The following GTF2IRD1 variants were observed in gnomAD, a reference collection of about 807,000 sequenced individuals.
The protein encoded by GTF2IRD1 is GTF2I repeat domain containing 1.
A neutral mutation model predicts 113.2 loss-of-function variants in GTF2IRD1; 26 were observed. The observed-to-expected ratio is 0.23, with a 90% CI of 0.17 to 0.32. The LOEUF (loss-of-function observed/expected upper bound fraction) is 0.32. Ranked by LOEUF, GTF2IRD1 falls within the 10% of genes least tolerant of loss-of-function variation. The pLI is 1.00. For synonymous variants in GTF2IRD1, 484 were observed against 529.1 expected (o/e 0.91, Z 1.17); for missense variants, 864 against 1,280.8 (o/e 0.67, Z 4.97).
At position 74,602,358 on chromosome 7, in the gene GTF2IRD1, T is replaced by G; in HGVS notation, c.2767-7T>G. ...TCCTAATCCAGTCCCTTTGTCCCTC[T>G]CTCTAGCAATGGCCAATGTACATGG... On this transcript the variant is annotated splice_region_variant and splice_polypyrimidine_tract_variant and intron_variant, in intron 26 of 26. Transcript: ENST00000424337. 6.2e-7 allele frequency: 1 copy of G among 1,612,154 alleles called. No individual in the cohort carries two copies. Among genetic ancestry groups the G allele is most frequent in the Non-Finnish European group, 8.5e-7 (1 of 1,178,616 alleles).
intron 22 of GTF2IRD1, among the ~76,000 whole-genome samples, chr7:74,567,784 C>T (rs1394453468): frequency 2.0e-5 from 3 of 151,618 alleles, no homozygotes; most frequent in Non-Finnish European, 4.4e-5. Context: ...AGAGGGCTTT[C>T]TTTTTTTTGG....
chr7:74,556,836 C>T (rs186886329), intron 19 of GTF2IRD1, among the ~76,000 whole-genome samples: 36 of 149,890 alleles, frequency 2.4e-4, no homozygotes, highest in African/African-American at 8.1e-4. Flanking sequence ...ATTGGCCAGG[C>T]TGGTTTCCAA....
chr7:74,459,867 G>T (rs1793248217), intron 1 of GTF2IRD1, among the ~76,000 whole-genome samples: 1 of 152,120 alleles, frequency 6.6e-6, no homozygotes. Flanking sequence ...AGGGGCCAGA[G>T]GTGTGTGTGG....
chr7:74,589,050 A>T (rs1181357906), intron 22 of GTF2IRD1, among the ~76,000 whole-genome samples: 14 of 152,124 alleles, frequency 9.2e-5, no homozygotes, highest in African/African-American at 3.4e-4. Flanking sequence ...TGTGCTGGGG[A>T]CACTGATAAA....
intron 22 of GTF2IRD1, among the ~76,000 whole-genome samples, chr7:74,583,910 C>T (rs782059029): frequency 2.0e-4 from 30 of 152,148 alleles, no homozygotes; most frequent in Non-Finnish European, 3.8e-4. Flanking sequence ...GATGAGCCCA[C>T]ATCCTTGGAG....
At chr7:74,544,871 C>G in intron 15 of GTF2IRD1, 69 bp downstream of exon 15, 3 of 1,275,298 alleles carry the variant, frequency 2.4e-6, no homozygotes, top group Non-Finnish European at 3.4e-6. Context: ...TGCCGCCCAC[C>G]TCCCCTTGGC....
intron 24 of GTF2IRD1, among the ~76,000 whole-genome samples, chr7:74,592,445 C>CAT (rs1562899270): frequency 1.3e-5 from 2 of 151,684 alleles, no homozygotes; most frequent in African/African-American, 4.8e-5. Flanking sequence ...TCTCGAACTC[C>CAT]TGGGCTCAAG....
At chr7:74,527,518 G>A (rs948319344) in intron 8 of GTF2IRD1, among the ~76,000 whole-genome samples, 1 of 152,084 alleles carries the variant, frequency 6.6e-6, no homozygotes, top group Admixed American at 6.6e-5. Flanking sequence ...GTACCAGCTT[G>A]TATTAGGAAC....
At chr7:74,585,574 C>T (rs1454732248) in intron 22 of GTF2IRD1, among the ~76,000 whole-genome samples, 1 of 152,086 alleles carries the variant, frequency 6.6e-6, no homozygotes, top group Non-Finnish European at 1.5e-5. Flanking sequence ...AAGATTAAGC[C>T]TTCTTTCTAC....
intron 5 of GTF2IRD1, 46 bp from the exon 6 acceptor site, chr7:74,519,363 T>G (rs782578353): frequency 8.8e-5 from 120 of 1,359,526 alleles, no homozygotes; most frequent in Non-Finnish European, 1.2e-4. Context: ...CTGCAATGTG[T>G]GAAACAGATG....
intron 22 of GTF2IRD1, among the ~76,000 whole-genome samples, chr7:74,566,331 A>G (rs1800314200): frequency 6.6e-6 from 1 of 151,950 alleles, no homozygotes; most frequent in Admixed American, 6.6e-5. Flanking sequence ...CACACCACAG[A>G]CACCTAACAC....
intron 1 of GTF2IRD1, among the ~76,000 whole-genome samples, chr7:74,485,219 G>T (rs1274165409): frequency 1.3e-5 from 2 of 152,214 alleles, no homozygotes; most frequent in Non-Finnish European, 2.9e-5. Context: ...TGGGGCTGCT[G>T]CAGGAGAAAC....
chr7:74,475,301 G>A (rs1309658087), intron 1 of GTF2IRD1, among the ~76,000 whole-genome samples: 1 of 152,144 alleles, frequency 6.6e-6, no homozygotes, highest in Non-Finnish European at 1.5e-5. Flanking sequence ...CTCAACCCTT[G>A]TCCATTGGGC....
intron 1 of GTF2IRD1, among the ~76,000 whole-genome samples, chr7:74,490,548 C>G (rs904078066): frequency 1.1e-4 from 17 of 151,410 alleles, no homozygotes; most frequent in Admixed American, 1.3e-4. Flanking sequence ...GGATACCCCC[C>G]CCCCCGCCCG....
intron 22 of GTF2IRD1, among the ~76,000 whole-genome samples, chr7:74,573,471 G>C (rs927131072): frequency 7.9e-5 from 12 of 152,028 alleles, no homozygotes; most frequent in Non-Finnish European, 1.5e-4. Context: ...AGCAGGGTTG[G>C]GGGCGCCTTT....
chr7:74,468,605 G>T (rs1361155407), intron 1 of GTF2IRD1, among the ~76,000 whole-genome samples: 5 of 149,584 alleles, frequency 3.3e-5, no homozygotes, highest in African/African-American at 9.9e-5. Flanking sequence ...GTTGCAGTGA[G>T]CCAAGACTGT....
At chr7:74,535,628 C>T (rs1488218206) in intron 10 of GTF2IRD1, among the ~76,000 whole-genome samples, 1 of 152,182 alleles carries the variant, frequency 6.6e-6, no homozygotes, top group African/African-American at 2.4e-5. Context: ...AAGATGCGGG[C>T]TCTTCCCGGG....
At chr7:74,590,016 G>T in intron 23 of GTF2IRD1, 88 bp downstream of exon 23, 1 of 810,684 alleles carries the variant, frequency 1.2e-6, no homozygotes. Context: ...TGGCTTTCAG[G>T]AGCCCCCAGC....
intron 1 of GTF2IRD1, among the ~76,000 whole-genome samples, chr7:74,501,246 A>T (rs1243714301): frequency 6.6e-6 from 1 of 152,090 alleles, no homozygotes; most frequent in African/African-American, 2.4e-5. Flanking sequence ...CTGTGTCATC[A>T]TTCCACGGGG....
Sources: allele counts gnomAD v4.1 joint callset (sites outside exome capture counted in the v4.1 genomes callset), GRCh38; gene constraint gnomAD v4.1.1; transcripts MANE v1.5; gene names NCBI Gene and HGNC (gene_info 2026-07-23, HGNC 2026-07-21).